Variants in PRMT8 observed in about 807,000 individuals in gnomAD.
PRMT8 encodes protein arginine N-methyltransferase 8.
PRMT8 carries 7 observed loss-of-function variants against 47.1 expected under a neutral mutation model. The observed-to-expected ratio is 0.15, with a 90% CI of 0.08 to 0.28. PRMT8 has a LOEUF of 0.28. Ranked by LOEUF, PRMT8 falls within the 10% of genes least tolerant of loss-of-function variation. PRMT8 has a pLI of 1.00. For missense variants in PRMT8, 237 were observed against 505.4 expected (o/e 0.47, Z 5.09); for synonymous variants, 188 against 186.5 (o/e 1.01, Z -0.07).
rs1203845124 is a variant in PRMT8, at chr12:3,557,723, G to T, written c.481+4009G>T. 6.6e-6 allele frequency among the ~76,000 whole-genome samples: 1 copy of T among 152,184 alleles called. No individual in the cohort carries two copies. Among genetic ancestry groups the T allele is most frequent in the East Asian group, 1.9e-4 (1 of 5,186 alleles). On this transcript the variant is annotated intron_variant, in intron 4 of 9. Coordinates refer to ENST00000382622, the MANE Select transcript of PRMT8 (RefSeq NM_019854.5). This position sits in a 1 kb window ranked among gnomAD's most constrained non-coding sequence, Gnocchi z 4.7. ...CCCATTAACAGGTGTGGAAACTGAG[G>T]CTAGGAGAGGTGGGTGACTGAGCCC...
chr12:3,533,580 T>C (rs1866069558), intron 1 of PRMT8, among the ~76,000 whole-genome samples: 1 of 152,200 alleles, frequency 6.6e-6, no homozygotes, highest in African/African-American at 2.4e-5. Flanking sequence ...GCCCCCAGAC[T>C]CTGGGCTTCC....
At chr12:3,533,239 T>C (rs1033590029) in intron 1 of PRMT8, among the ~76,000 whole-genome samples, 72 of 152,110 alleles carry the variant, frequency 4.7e-4, no homozygotes, top group African/African-American at 1.7e-3. Flanking sequence ...AGCCAAGTCT[T>C]GTGAAGGGCA....
intron 1 of PRMT8, among the ~76,000 whole-genome samples, chr12:3,510,985 C>T (rs1865704807): frequency 6.6e-6 from 1 of 152,182 alleles, no homozygotes; most frequent in South Asian, 2.1e-4. Context: ...GACCCTGCTG[C>T]AGAGAGTTAC....
upstream of PRMT8, among the ~76,000 whole-genome samples, chr12:3,487,674 T>C (rs2137106278): frequency 6.6e-6 from 1 of 152,336 alleles, no homozygotes; most frequent in East Asian, 1.9e-4. Context: ...TTTGTAATTG[T>C]AACCCTCCCC....
intron 1 of PRMT8, among the ~76,000 whole-genome samples, chr12:3,476,515 A>G (rs948321166): frequency 1.1e-4 from 16 of 152,284 alleles, no homozygotes; most frequent in Admixed American, 1.0e-3. Context: ...AGGCCTTTCA[A>G]CAAGAGCCTC....
In PRMT8 at chr12:3,491,312, C is replaced by T. The variant is rs1235875240; in HGVS notation, c.-314C>T. Reference sequence around the variant, plus strand: ...TCCGCGACCGCCGCCGCCGCCGCCGCGGAGGCTTCGGGGCTGCTTCCCTCG... The same window carrying T: ...TCCGCGACCGCCGCCGCCGCCGCCGTGGAGGCTTCGGGGCTGCTTCCCTCG... On this transcript the variant is annotated 5_prime_UTR_variant, in exon 1 of 10. Transcript: ENST00000382622. 3 of 1,091,534 alleles carry T rather than the reference C, an allele frequency of 2.7e-6. No individual in the cohort carries two copies. The highest frequency in any genetic ancestry group is 5.0e-5 in the Admixed American group (1 of 19,926). 67.6% of individuals were successfully genotyped at this position (1,091,534 alleles called of 1,614,324 possible). A position where few individuals can be genotyped will look rare whatever the true frequency, so the allele number is the denominator to read the frequency against.
At chr12:3,467,108 CG>C (rs1326147335) in intron 1 of PRMT8, among the ~76,000 whole-genome samples, 1 of 151,702 alleles carries the variant, frequency 6.6e-6, no homozygotes, top group Non-Finnish European at 1.5e-5. Flanking sequence ...GGCGTGGTGG[CG>C]GGTGCCTGTA....
At position 3,535,147 on chromosome 12, in the gene PRMT8, C is replaced by T. The variant is rs1045357602; in HGVS notation, c.76-5459C>T. On this transcript the variant is annotated intron_variant, in intron 1 of 9. Coordinates refer to ENST00000382622, the MANE Select transcript of PRMT8 (RefSeq NM_019854.5). The surrounding 1 kb of genome is among the most constrained non-coding windows in gnomAD (Gnocchi z 4.7). ...CACCCCTGCTTGTGGAAATCCGACCCACCCTTCAAGGACGAGCTCACAAGC... is the reference window on the plus strand; with the variant it reads ...CACCCCTGCTTGTGGAAATCCGACCTACCCTTCAAGGACGAGCTCACAAGC... Among the ~76,000 whole-genome samples the T allele has an allele frequency of 7.9e-5, 12 of 152,188 alleles. No homozygotes were observed. Among genetic ancestry groups the T allele is most frequent in the African/African-American group, 2.9e-4 (12 of 41,438 alleles).
At chr12:3,462,871 C>T (rs1170056727) in intron 1 of PRMT8, 2 of 152,010 alleles carry the variant, frequency 1.3e-5, no homozygotes, top group South Asian at 2.1e-4. Flanking sequence ...CCTGGCTAGT[C>T]CTTTACCCAG....
At position 3,550,456 on chromosome 12, in the gene PRMT8, G is replaced by A; in HGVS notation, c.417+365G>A. On this transcript the variant is annotated intron_variant, in intron 3 of 9. Coordinates refer to ENST00000382622, the MANE Select transcript of PRMT8 (RefSeq NM_019854.5). The surrounding 1 kb of genome is among the most constrained non-coding windows in gnomAD (Gnocchi z 5.1). Reference sequence around the variant, plus strand: ...CTGCATTTCCATTCACTAGGCATGTGACCTTGGACTATTCACTTCCCTGCA... The same window carrying A: ...CTGCATTTCCATTCACTAGGCATGTAACCTTGGACTATTCACTTCCCTGCA... 1 of 236,170 alleles carries A rather than the reference G, an allele frequency of 4.2e-6. No individual in the cohort carries two copies. The highest frequency in any genetic ancestry group is 8.1e-5 in the East Asian group (1 of 12,360). 14.6% of individuals were successfully genotyped at this position (236,170 alleles called of 1,614,324 possible).
intron 6 of PRMT8, among the ~76,000 whole-genome samples, chr12:3,574,297 G>T (rs757043219): frequency 6.6e-6 from 1 of 152,266 alleles, no homozygotes; most frequent in Admixed American, 6.5e-5. Context: ...CTTGAAGACA[G>T]TAAAGATCAT....
At chr12:3,428,039 A>T (rs993400508) in intron 1 of PRMT8, among the ~76,000 whole-genome samples, 8 of 152,188 alleles carry the variant, frequency 5.3e-5, no homozygotes, top group African/African-American at 1.9e-4. Flanking sequence ...GTTTAGTCCA[A>T]ATTAACTTAG....
At chr12:3,385,596 T>C (rs1023850345) in intron 1 of PRMT8, among the ~76,000 whole-genome samples, 6 of 152,246 alleles carry the variant, frequency 3.9e-5, no homozygotes, top group African/African-American at 1.4e-4. Context: ...TTAGGCTATG[T>C]CTTAATTATA....
intron 1 of PRMT8, among the ~76,000 whole-genome samples, chr12:3,391,339 G>A (rs1260288879): frequency 1.3e-5 from 2 of 152,216 alleles, no homozygotes; most frequent in South Asian, 2.1e-4. Flanking sequence ...AGGGAGGTGG[G>A]TGGCCACTAA....
chr12:3,582,913 G>C, intron 7 of PRMT8, 145 bp from the exon 8 acceptor site: 1 of 935,034 alleles, frequency 1.1e-6, no homozygotes, highest in Non-Finnish European at 1.6e-6. Flanking sequence ...GAGGGCGGTG[G>C]GGAGCCTGGG....
chr12:3,524,270 A>G (rs985465395), intron 1 of PRMT8, among the ~76,000 whole-genome samples: 5 of 152,248 alleles, frequency 3.3e-5, no homozygotes, highest in Non-Finnish European at 7.3e-5. Flanking sequence ...GAACAATAAG[A>G]GTAAAAAGAA....
intron 1 of PRMT8, among the ~76,000 whole-genome samples, chr12:3,390,371 A>G (rs1262174143): frequency 6.6e-6 from 1 of 152,246 alleles, no homozygotes; most frequent in Admixed American, 6.5e-5. Flanking sequence ...ATTCAGGCCA[A>G]TTAGGAAACA....
intron 1 of PRMT8, among the ~76,000 whole-genome samples, chr12:3,429,102 G>A (rs1864643701): frequency 6.6e-6 from 1 of 151,878 alleles, no homozygotes; most frequent in South Asian, 2.1e-4. Context: ...CCTTGCCTCT[G>A]TCAGCTGCTT....
chr12:3,530,029 G>C (rs922787339), intron 1 of PRMT8, among the ~76,000 whole-genome samples: 1 of 152,204 alleles, frequency 6.6e-6, no homozygotes, highest in Non-Finnish European at 1.5e-5. Context: ...TTCTATGTTT[G>C]CAAGATATGT....
Sources: gnomAD v4.1 joint callset for allele counts (sites outside exome capture counted in the v4.1 genomes callset) on GRCh38, gnomAD v4.1.1 for gene constraint, Gnocchi (gnomAD v3.1) non-coding constraint, MANE v1.5 for transcripts, NCBI Gene and HGNC (gene_info 2026-07-23, HGNC 2026-07-21) for gene names.